FGF12: variants seen among roughly 807,000 people sequenced by gnomAD.
FGF12 encodes the protein fibroblast growth factor 12B.
FGF12 carries 14 observed loss-of-function variants against 23.6 expected under a neutral mutation model. That is an observed-to-expected ratio of 0.59 (90% CI 0.39 to 0.93). The LOEUF (loss-of-function observed/expected upper bound fraction) is 0.93. Ranked by LOEUF, FGF12 falls within the 40% of genes least tolerant of loss-of-function variation. The pLI, the probability that FGF12 is intolerant of heterozygous loss-of-function variation, is 0.00. For synonymous variants in FGF12, 62 were observed against 77.3 expected (o/e 0.80, Z 1.04); for missense variants, 175 against 217.8 (o/e 0.80, Z 1.24).
chr3:192,433,790 C>T (rs533371428), intron 2 of FGF12, among the ~76,000 whole-genome samples: 2 of 152,302 alleles, frequency 1.3e-5, no homozygotes, highest in Non-Finnish European at 2.9e-5. Flanking sequence ...GAATTTCCCA[C>T]GATTAATTCC....
chr3:192,676,943 G>A (rs773606416), intron 2 of FGF12, among the ~76,000 whole-genome samples: 12 of 152,170 alleles, frequency 7.9e-5, no homozygotes, highest in East Asian at 1.9e-4. Flanking sequence ...TATTGAAGCC[G>A]CTCAGTTTGT....
intron 2 of FGF12, among the ~76,000 whole-genome samples, chr3:192,711,963 TG>T (rs1413294237): frequency 7.8e-6 from 1 of 127,534 alleles, no homozygotes; most frequent in Non-Finnish European, 1.7e-5. Flanking sequence ...AAAAAAAAAA[TG>T]TAAATCATAA....
intron 2 of FGF12, among the ~76,000 whole-genome samples, chr3:192,702,095 C>T (rs975431091): frequency 6.6e-6 from 1 of 152,170 alleles, no homozygotes; most frequent in African/African-American, 2.4e-5. Flanking sequence ...AAAAAATATT[C>T]CACGTATAAG....
intron 2 of FGF12, among the ~76,000 whole-genome samples, chr3:192,607,440 T>C (rs1250384859): frequency 2.6e-5 from 4 of 152,114 alleles, no homozygotes; most frequent in Admixed American, 6.6e-5. Flanking sequence ...GTGTCAGACT[T>C]GAGTTTTCAT....
At chr3:192,613,628 A>C (rs556001314) in intron 2 of FGF12, among the ~76,000 whole-genome samples, 2 of 152,050 alleles carry the variant, frequency 1.3e-5, no homozygotes, top group South Asian at 4.1e-4. Context: ...ACAAATATTT[A>C]CCAAGAGTCT....
intron 4 of FGF12, among the ~76,000 whole-genome samples, chr3:192,258,853 G>A (rs770935978): frequency 6.6e-6 from 1 of 152,146 alleles, no homozygotes; most frequent in Non-Finnish European, 1.5e-5. Flanking sequence ...ATGATATGCT[G>A]TCATCAATGC....
chr3:192,593,493 C>A (rs1713713844), intron 2 of FGF12, among the ~76,000 whole-genome samples: 1 of 151,914 alleles, frequency 6.6e-6, no homozygotes. Context: ...CATGAGAACA[C>A]ATTATTTTGT....
intron 4 of FGF12, among the ~76,000 whole-genome samples, chr3:192,279,152 T>G (rs1029630119): frequency 4.0e-5 from 6 of 151,682 alleles, no homozygotes; most frequent in Admixed American, 1.3e-4. Flanking sequence ...TATGCATAAA[T>G]TTTTAAAGGA....
Position 192,324,503 on chromosome 3 carries a change from C to A in FGF12, c.228+10858G>T, listed in dbSNP as rs571773367. 3.9e-5 allele frequency among the ~76,000 whole-genome samples: 6 copies of A among 152,304 alleles called. No homozygotes were observed. The South Asian group carries it at 1.2e-3, about 32-fold the overall frequency. On this transcript the variant is annotated intron_variant, in intron 4 of 5. Coordinates refer to ENST00000445105, the MANE Select transcript of FGF12 (RefSeq NM_004113.6). ...TAATATACACTGCCCTAGGGCTTTA[C>A]GTGCATCTTTCCATTTAATCCTTAC...
At chr3:192,214,941 C>T (rs965439414) in intron 4 of FGF12, among the ~76,000 whole-genome samples, 6 of 152,218 alleles carry the variant, frequency 3.9e-5, no homozygotes, top group Non-Finnish European at 8.8e-5. Flanking sequence ...TATTCCACAG[C>T]TGCTGGGAGA....
intron 2 of FGF12, among the ~76,000 whole-genome samples, chr3:192,677,375 T>C (rs1322579088): frequency 6.6e-6 from 1 of 152,176 alleles, no homozygotes; most frequent in East Asian, 1.9e-4. Context: ...AAAGAAAAAC[T>C]CCTGAGGTTG....
At chr3:192,543,552 TC>T (rs1725425804) in intron 2 of FGF12, among the ~76,000 whole-genome samples, 1 of 151,896 alleles carries the variant, frequency 6.6e-6, no homozygotes, top group African/African-American at 2.4e-5. Flanking sequence ...CCTTTACTCT[TC>T]CCTCCCCTTT....
chr3:192,212,575 T>C (rs1030092211), intron 4 of FGF12, among the ~76,000 whole-genome samples: 1 of 152,106 alleles, frequency 6.6e-6, no homozygotes, highest in Non-Finnish European at 1.5e-5. Context: ...GCTAATAACT[T>C]ATAGCACAAT....
At position 192,717,995 on chromosome 3, in the gene FGF12, T is replaced by C. The variant is rs542317442; in HGVS notation, c.13+9186A>G. 3.9e-5 allele frequency among the ~76,000 whole-genome samples: 6 copies of C among 152,240 alleles called. No individual in the cohort carries two copies. In the East Asian group the frequency reaches 9.6e-4, roughly 24 times the overall value. On this transcript the variant is annotated intron_variant, in intron 2 of 5. Transcript: ENST00000445105. ...GTAGCCAATCAAACATTGGAAGACA[T>C]AGTTATTGGTTTTTAAATTGTTTGA...
chr3:192,724,923 G>C (rs567506263), intron 2 of FGF12, among the ~76,000 whole-genome samples: 2 of 152,116 alleles, frequency 1.3e-5, no homozygotes, highest in African/African-American at 4.8e-5. Context: ...ACTGAGTCAC[G>C]CAATATGACT....
intron 2 of FGF12, among the ~76,000 whole-genome samples, chr3:192,709,302 C>G (rs1441938945): frequency 6.6e-6 from 1 of 152,154 alleles, no homozygotes; most frequent in African/African-American, 2.4e-5. Flanking sequence ...AACTCCAAGC[C>G]ATTCTCTCTT....
rs920651359 is a variant in FGF12, at chr3:192,409,575, C to G, written c.14-49037G>C. ...GGCCGATCACTCAGTCCCGCGCCGCCCATCCCGGCCGAGGAAGGAAGTGAC... is the reference window on the plus strand; with the variant it reads ...GGCCGATCACTCAGTCCCGCGCCGCGCATCCCGGCCGAGGAAGGAAGTGAC... On this transcript the variant is annotated intron_variant, in intron 2 of 5. Coordinates refer to ENST00000445105, the MANE Select transcript of FGF12 (RefSeq NM_004113.6). This position sits in a 1 kb window ranked among gnomAD's most constrained non-coding sequence, Gnocchi z 4.8. Among the ~76,000 whole-genome samples, 2 of 152,234 alleles carry G rather than the reference C, an allele frequency of 1.3e-5. No homozygotes were observed. The highest frequency in any genetic ancestry group is 4.8e-5 in the African/African-American group (2 of 41,468).
intron 2 of FGF12, among the ~76,000 whole-genome samples, chr3:192,464,838 G>T (rs1416761245): frequency 6.6e-6 from 1 of 152,076 alleles, no homozygotes; most frequent in Non-Finnish European, 1.5e-5. Flanking sequence ...AGAGACAGTA[G>T]GTGCAGACAC....
chr3:192,378,074 C>A (rs974975677), intron 2 of FGF12, among the ~76,000 whole-genome samples: 1 of 115,196 alleles, frequency 8.7e-6, no homozygotes, highest in Non-Finnish European at 1.7e-5. Flanking sequence ...TTCTTTCTTT[C>A]TTTCTTTCTT....
Sources: gnomAD v4.1 joint callset for allele counts (sites outside exome capture counted in the v4.1 genomes callset) on GRCh38, gnomAD v4.1.1 for gene constraint, Gnocchi (gnomAD v3.1) non-coding constraint, MANE v1.5 for transcripts, NCBI Gene and HGNC (gene_info 2026-07-23, HGNC 2026-07-21) for gene names.